AP3S1: variants seen among roughly 807,000 people sequenced by gnomAD.
AP3S1 encodes the protein AP-3 complex subunit sigma-1.
In AP3S1, 12 loss-of-function variants were observed where a neutral mutation model predicts 21.3. That is an observed-to-expected ratio of 0.56 (90% confidence interval 0.36 to 0.91). The LOEUF (loss-of-function observed/expected upper bound fraction) is 0.91, where lower values mean the gene tolerates loss of function less well. Ranked by LOEUF, AP3S1 falls within the 40% of genes least tolerant of loss-of-function variation. The pLI is 0.01. For missense variants in AP3S1, 116 were observed against 225.0 expected (o/e 0.52, Z 3.10); for synonymous variants, 48 against 78.4 (o/e 0.61, Z 2.05).
chr5:115,908,994 T>C, intron 5 of AP3S1: 2 of 984,830 alleles, frequency 2.0e-6, no homozygotes, highest in Non-Finnish European at 2.4e-6. Context: ...AAATTATGAA[T>C]GTGCATATAG....
At chr5:115,864,704 A>G (rs1374045435) in intron 1 of AP3S1, among the ~76,000 whole-genome samples, 2 of 152,204 alleles carry the variant, frequency 1.3e-5, no homozygotes, top group Non-Finnish European at 2.9e-5. Context: ...GAATGTAGCA[A>G]AAAAGGTGGG....
chr5:115,896,182 G>A (rs141984902), intron 4 of AP3S1, among the ~76,000 whole-genome samples: 31 of 152,198 alleles, frequency 2.0e-4, no homozygotes, highest in South Asian at 2.1e-4. Flanking sequence ...ACTAAGTTTC[G>A]ACTAGTGTGT....
In AP3S1 at chr5:115,890,985, C is replaced by T. The variant is rs149516800; in HGVS notation, c.274-4102C>T. 1.5e-3 allele frequency among the ~76,000 whole-genome samples: 227 copies of T among 152,308 alleles called. 1 individual carries two copies. The highest frequency in any genetic ancestry group is 2.5e-3 in the Admixed American group (38 of 15,304). On this transcript the variant is annotated intron_variant, in intron 3 of 5. Coordinates refer to ENST00000316788, the MANE Select transcript of AP3S1 (RefSeq NM_001284.4). Reference sequence around the variant, plus strand: ...AGTTAATATTTGTTAATTGCTTACTCTGTGTTCAAGCAGCATTACCCCATT... The same window carrying T: ...AGTTAATATTTGTTAATTGCTTACTTTGTGTTCAAGCAGCATTACCCCATT...
chr5:115,856,099 T>G (rs776709887), intron 1 of AP3S1, among the ~76,000 whole-genome samples: 1 of 152,100 alleles, frequency 6.6e-6, no homozygotes, highest in Non-Finnish European at 1.5e-5. Context: ...AATCTAGGAG[T>G]TGTGACCAAC....
chr5:115,857,086 T>G (rs1166473593), intron 1 of AP3S1, among the ~76,000 whole-genome samples: 2 of 152,212 alleles, frequency 1.3e-5, no homozygotes, highest in Non-Finnish European at 2.9e-5. Context: ...GAGAAATTCT[T>G]TCACTATCAA....
At chr5:115,892,736 CCTA>C (rs902449802) in intron 3 of AP3S1, among the ~76,000 whole-genome samples, 2 of 152,032 alleles carry the variant, frequency 1.3e-5, no homozygotes, top group African/African-American at 4.8e-5. Context: ...ATGAATAAGA[CCTA>C]CTATTTGATA....
chr5:115,868,218 G>A (rs909159927), intron 2 of AP3S1, among the ~76,000 whole-genome samples: 1 of 152,116 alleles, frequency 6.6e-6, no homozygotes, highest in Non-Finnish European at 1.5e-5. Flanking sequence ...GCTTTTAATA[G>A]CATTACTGGC....
At chr5:115,913,044 ATCTG>A (rs1752227186) in intron 5 of AP3S1, among the ~76,000 whole-genome samples, 1 of 152,168 alleles carries the variant, frequency 6.6e-6, no homozygotes, top group Admixed American at 6.5e-5. Flanking sequence ...GCTTCATGCT[ATCTG>A]TCAGTTAAAT....
intron 1 of AP3S1, among the ~76,000 whole-genome samples, chr5:115,851,743 A>G (rs943704849): frequency 1.3e-5 from 2 of 152,078 alleles, no homozygotes; most frequent in African/African-American, 4.8e-5. Context: ...TGATTTGCAA[A>G]TATTTTCTCT....
intron 1 of AP3S1, among the ~76,000 whole-genome samples, chr5:115,850,132 C>T (rs1034247414): frequency 6.6e-6 from 1 of 152,170 alleles, no homozygotes; most frequent in Non-Finnish European, 1.5e-5. Flanking sequence ...TCCACTCTTG[C>T]AAGCCTGGTG....
At chr5:115,901,581 G>T (rs1183982080) in intron 4 of AP3S1, among the ~76,000 whole-genome samples, 3 of 150,174 alleles carry the variant, frequency 2.0e-5, no homozygotes, top group Admixed American at 1.3e-4. Context: ...TTGAGGCAGG[G>T]TCTCACTCTG....
At chr5:115,866,081 C>T (rs899269431) in intron 1 of AP3S1, among the ~76,000 whole-genome samples, 2 of 152,192 alleles carry the variant, frequency 1.3e-5, no homozygotes, top group Non-Finnish European at 2.9e-5. Flanking sequence ...CAGGCATGAG[C>T]CACTGTGCCC....
At chr5:115,857,434 G>A (rs774337435) in intron 1 of AP3S1, among the ~76,000 whole-genome samples, 2 of 152,206 alleles carry the variant, frequency 1.3e-5, no homozygotes, top group African/African-American at 2.4e-5. Flanking sequence ...GAGAGGATAA[G>A]TAACTTGCTC....
At chr5:115,842,158 G>T in intron 1 of AP3S1, 52 bp downstream of exon 1, 4 of 1,520,034 alleles carry the variant, frequency 2.6e-6, no homozygotes, top group Non-Finnish European at 2.6e-6. Context: ...TTGGCGACGG[G>T]CAGCGCCCAG....
chr5:115,906,582 T>C (rs528740675), intron 5 of AP3S1, among the ~76,000 whole-genome samples: 49 of 151,972 alleles, frequency 3.2e-4, no homozygotes, highest in African/African-American at 1.1e-3. Context: ...AGCTGGGAGG[T>C]TGATGGGATT....
chr5:115,892,672 G>T (rs1232302887), intron 3 of AP3S1, among the ~76,000 whole-genome samples: 1 of 152,090 alleles, frequency 6.6e-6, no homozygotes, highest in African/African-American at 2.4e-5. Context: ...GTAGTGGAGG[G>T]TTGGAGAAAG....
intron 3 of AP3S1, among the ~76,000 whole-genome samples, chr5:115,885,850 A>G (rs1168908581): frequency 1.3e-5 from 2 of 152,224 alleles, no homozygotes; most frequent in African/African-American, 4.8e-5. Flanking sequence ...CTGTGTTTGT[A>G]GTTAGTTCTT....
chr5:115,889,324 G>A (rs1750076003), intron 3 of AP3S1, among the ~76,000 whole-genome samples: 1 of 152,060 alleles, frequency 6.6e-6, no homozygotes, highest in South Asian at 2.1e-4. Flanking sequence ...AAGGCATACT[G>A]GAAATTGTAT....
intron 1 of AP3S1, among the ~76,000 whole-genome samples, chr5:115,847,661 C>CA (rs36014273): frequency 7.3e-5 from 11 of 150,604 alleles, no homozygotes; most frequent in Middle Eastern, 3.4e-3. Flanking sequence ...GTATAGATGA[C>CA]AAAAAAAAAT....
Sources: allele counts gnomAD v4.1 joint callset (sites outside exome capture counted in the v4.1 genomes callset), GRCh38; gene constraint gnomAD v4.1.1; transcripts MANE v1.5; gene names NCBI Gene and HGNC (gene_info 2026-07-23, HGNC 2026-07-21).